The following RABGAP1L variants were observed in gnomAD, a reference collection of about 807,000 sequenced individuals.
The protein encoded by RABGAP1L is rab GTPase-activating protein 1-like.
RABGAP1L carries 63 observed loss-of-function variants against 137.7 expected under a neutral mutation model. The ratio of observed to expected loss-of-function variants is 0.46; its 90% CI spans 0.37 to 0.56. The LOEUF is 0.56. RABGAP1L is among the 20% of genes least tolerant of loss of function. The pLI is 0.00. For missense variants in RABGAP1L, 1,095 were observed against 1,244.0 expected, an observed-to-expected ratio of 0.88 and a Z score of 1.80; for synonymous variants, 431 against 433.7, an observed-to-expected ratio of 0.99 and a Z score of 0.08.
chr1:174,857,992 GTATTT>G (rs1274029589), intron 19 of RABGAP1L, among the ~76,000 whole-genome samples: 7 of 152,142 alleles, frequency 4.6e-5, no homozygotes, highest in East Asian at 1.9e-4. Flanking sequence ...CTCTATAATT[GTATTT>G]TATTTTATTG....
chr1:174,173,096 ATGGTGTTTTGCTT>A (rs1298137212), intron 1 of RABGAP1L, among the ~76,000 whole-genome samples: 1 of 151,546 alleles, frequency 6.6e-6, no homozygotes, highest in Non-Finnish European at 1.5e-5. Flanking sequence ...AGATGCAGCT[ATGGTGTTTTGCTT>A]TTTCCCCTCC....
intron 13 of RABGAP1L, among the ~76,000 whole-genome samples, chr1:174,405,201 T>G (rs1649116268): frequency 6.6e-6 from 1 of 152,262 alleles, no homozygotes; most frequent in African/African-American, 2.4e-5. Flanking sequence ...AATTATAGTA[T>G]CTGCTACATC....
At chr1:174,852,821 A>AT (rs1317079534) in intron 19 of RABGAP1L, among the ~76,000 whole-genome samples, 10 of 151,894 alleles carry the variant, frequency 6.6e-5, no homozygotes, top group South Asian at 6.2e-4. Context: ...GTCTCAAAAA[A>AT]AAAAATAAAA....
chr1:174,613,563 G>T (rs1166935024), intron 13 of RABGAP1L, among the ~76,000 whole-genome samples: 2 of 152,114 alleles, frequency 1.3e-5, no homozygotes, highest in Non-Finnish European at 2.9e-5. Context: ...TCTGCAGATG[G>T]CTGTTAGGTC....
intron 13 of RABGAP1L, among the ~76,000 whole-genome samples, chr1:174,397,522 C>T (rs1354534910): frequency 1.3e-5 from 2 of 152,124 alleles, no homozygotes; most frequent in Non-Finnish European, 2.9e-5. Flanking sequence ...AAGACTGCTA[C>T]AGCAGGATGT....
At chr1:174,748,469 G>T (rs954753838) in intron 17 of RABGAP1L, among the ~76,000 whole-genome samples, 3 of 152,128 alleles carry the variant, frequency 2.0e-5, no homozygotes, top group African/African-American at 7.2e-5. Flanking sequence ...GGTTTATTTT[G>T]CCAAGTTACA....
At chr1:174,660,296 A>G (rs1676277958) in intron 14 of RABGAP1L, among the ~76,000 whole-genome samples, 1 of 152,194 alleles carries the variant, frequency 6.6e-6, no homozygotes, top group Admixed American at 6.5e-5. Context: ...CAAGGTAATA[A>G]TAAGCCCAGC....
chr1:174,389,471 T>C (rs969489345), intron 12 of RABGAP1L, among the ~76,000 whole-genome samples: 1 of 152,134 alleles, frequency 6.6e-6, no homozygotes, highest in Admixed American at 6.5e-5. Flanking sequence ...TAGAAATAAC[T>C]CTTTCCCTTT....
chr1:174,537,664 G>A (rs1460728769), intron 13 of RABGAP1L, among the ~76,000 whole-genome samples: 1 of 152,170 alleles, frequency 6.6e-6, no homozygotes, highest in Non-Finnish European at 1.5e-5. Context: ...GTGTAGAGTG[G>A]TGCTACCTGA....
At chr1:174,175,212 T>C (rs1287702070) in intron 1 of RABGAP1L, among the ~76,000 whole-genome samples, 3 of 152,152 alleles carry the variant, frequency 2.0e-5, no homozygotes, top group Admixed American at 6.6e-5. Context: ...TATATAACTG[T>C]AGTTAGAAAT....
chr1:174,184,939 T>A (rs1327591246), intron 1 of RABGAP1L, among the ~76,000 whole-genome samples: 1 of 152,220 alleles, frequency 6.6e-6, no homozygotes, highest in Admixed American at 6.5e-5. Context: ...CGATGTCTAC[T>A]TTATTTAAGA....
intron 5 of RABGAP1L, among the ~76,000 whole-genome samples, chr1:174,247,757 A>G (rs988277211): frequency 6.6e-6 from 1 of 152,168 alleles, no homozygotes; most frequent in Admixed American, 6.5e-5. Context: ...AGTCAAACCC[A>G]TCCCATGAGC....
chr1:174,254,556 C>T (rs1022508004), intron 7 of RABGAP1L, among the ~76,000 whole-genome samples: 1 of 152,268 alleles, frequency 6.6e-6, no homozygotes, highest in Non-Finnish European at 1.5e-5. Context: ...TCTCATCGTT[C>T]AGCTCCCACT....
chr1:174,619,814 T>C (rs1034483804), intron 13 of RABGAP1L, among the ~76,000 whole-genome samples: 9 of 152,278 alleles, frequency 5.9e-5, no homozygotes, highest in South Asian at 2.1e-4. Flanking sequence ...GTAAATGGAA[T>C]AAATGCTCCA....
intron 18 of RABGAP1L, among the ~76,000 whole-genome samples, chr1:174,804,522 A>G (rs1005287687): frequency 6.6e-6 from 1 of 152,134 alleles, no homozygotes; most frequent in Admixed American, 6.5e-5. Context: ...ATTCTTGCCA[A>G]CGCTGGTCTA....
At chr1:174,596,170 C>G (rs897346187) in intron 13 of RABGAP1L, among the ~76,000 whole-genome samples, 2 of 141,068 alleles carry the variant, frequency 1.4e-5, no homozygotes, top group Non-Finnish European at 3.0e-5. Context: ...CTCCCTGACC[C>G]CTTGCGCTTC....
intron 4 of RABGAP1L, among the ~76,000 whole-genome samples, chr1:174,238,568 G>T (rs1671445544): frequency 6.6e-6 from 1 of 152,016 alleles, no homozygotes; most frequent in South Asian, 2.1e-4. Flanking sequence ...GTGCCTCCCA[G>T]TTAGGCTGCT....
chr1:174,218,231 T>G (rs1446519587), intron 1 of RABGAP1L, among the ~76,000 whole-genome samples: 1 of 152,180 alleles, frequency 6.6e-6, no homozygotes, highest in Non-Finnish European at 1.5e-5. Flanking sequence ...TTAACGTGTT[T>G]ATTGTTTGCA....
At chr1:174,867,305 C>T (rs1423786182) in intron 19 of RABGAP1L, among the ~76,000 whole-genome samples, 1 of 151,094 alleles carries the variant, frequency 6.6e-6, no homozygotes, top group Non-Finnish European at 1.5e-5. Flanking sequence ...TGCTTGAACC[C>T]GGGAGGTGGA....
Sources: allele counts gnomAD v4.1 joint callset (sites outside exome capture counted in the v4.1 genomes callset), GRCh38; gene constraint gnomAD v4.1.1; transcripts MANE v1.5; gene names NCBI Gene and HGNC (gene_info 2026-07-23, HGNC 2026-07-21).